TBCE: variants seen among roughly 807,000 people sequenced by gnomAD.
TBCE encodes tubulin-specific chaperone E.
Under a neutral mutation model 77.0 loss-of-function variants are expected in TBCE, and 53 were observed. The observed-to-expected ratio is 0.69, with a 90% confidence interval of 0.55 to 0.87. The LOEUF is 0.87. Ranked by LOEUF, TBCE falls within the 40% of genes least tolerant of loss-of-function variation. The pLI is 0.00. For synonymous variants in TBCE, 235 were observed against 241.3 expected, an observed-to-expected ratio of 0.97 and a Z score of 0.24; for missense variants, 624 against 622.4, an observed-to-expected ratio of 1.00 and a Z score of -0.03.
chr1:235,386,979 T>G (rs1001802807), intron 2 of TBCE, among the ~76,000 whole-genome samples: 34 of 152,298 alleles, frequency 2.2e-4, no homozygotes, highest in Admixed American at 7.2e-4. Flanking sequence ...GGGTTTTTGG[T>G]GTGGATGTCC....
chr1:235,389,983 G>A (rs6692419), intron 2 of TBCE, among the ~76,000 whole-genome samples: 19,582 of 151,758 alleles, frequency 0.13, 1,493 homozygotes, highest in African/African-American at 0.2. Context: ...AAAATTAGCT[G>A]GGTTTTGTGG....
Position 235,428,303 on chromosome 1 carries a change from G to A in TBCE, c.560+1064G>A, listed in dbSNP as rs1281545134. On this transcript the variant is annotated intron_variant, in intron 6 of 16. Coordinates refer to ENST00000642610, the MANE Select transcript of TBCE (RefSeq NM_003193.5). ...TGTGCCACTGCACTCCAGCCTGGGC[G>A]ACAGAGCGAGACTCCATCTCAGAAA... Among the ~76,000 whole-genome samples the A allele has an allele frequency of 2.0e-5, 3 of 152,140 alleles. No homozygotes were observed. The East Asian group carries it at 5.8e-4, about 29-fold the overall frequency.
rs1213422300 is a variant in TBCE at position 235,438,757 on chromosome 1, A to C, written c.1117-12A>C. On this transcript the variant is annotated splice_polypyrimidine_tract_variant and intron_variant, in intron 12 of 16. Transcript: ENST00000642610. ...TTTGTAATAGGCTTGTTTTTATGTC[A>C]CATGAACATAGATTCTCCCCGAGGA... 1 of 1,614,192 alleles carries C rather than the reference A, an allele frequency of 6.2e-7. No individual in the cohort carries two copies. The highest frequency in any genetic ancestry group is 8.5e-7 in the Non-Finnish European group (1 of 1,180,028).
Position 235,370,534 on chromosome 1 carries a change from A to G in TBCE, c.-32+3030A>G, listed in dbSNP as rs190890641. Among the ~76,000 whole-genome samples, 840 of 147,286 alleles carry G rather than the reference A, an allele frequency of 5.7e-3. 10 individuals are homozygous for G. The highest frequency in any genetic ancestry group is 0.019 in the African/African-American group (755 of 39,666). On this transcript the variant is annotated intron_variant, in intron 1 of 16. Transcript: ENST00000642610. Reference sequence around the variant, plus strand: ...CCAAAGTGCTGGGATTACAGGCGTGAGCCACTGCACCCGGCATTTTTTTTT... The same window carrying G: ...CCAAAGTGCTGGGATTACAGGCGTGGGCCACTGCACCCGGCATTTTTTTTT...
At chr1:235,398,765 C>T (rs1199447021) in intron 2 of TBCE, among the ~76,000 whole-genome samples, 1 of 131,300 alleles carries the variant, frequency 7.6e-6, no homozygotes, top group Non-Finnish European at 1.6e-5. Flanking sequence ...ACTGTAGTCC[C>T]AGCTACTCGG....
At position 235,436,074 on chromosome 1, in the gene TBCE, C is replaced by T. The variant is rs535337509; in HGVS notation, c.833+234C>T. On this transcript the variant is annotated intron_variant, in intron 9 of 16. Transcript: ENST00000642610. ...ATAATTTGAAGAATGAATAATTTGACCCTGGTGATAATGCGGAAAGTCTTC... is the reference window on the plus strand; with the variant it reads ...ATAATTTGAAGAATGAATAATTTGATCCTGGTGATAATGCGGAAAGTCTTC... 7 of 605,048 alleles carry T rather than the reference C, an allele frequency of 1.2e-5. No individual in the cohort carries two copies. The East Asian group carries it at 1.9e-4, about 17-fold the overall frequency. The allele number at this position is 605,048 out of a possible 1,614,324, so 37.5% of individuals were successfully genotyped here. A position where few individuals can be genotyped will look rare whatever the true frequency, so the allele number is the denominator to read the frequency against.
chr1:235,414,908 G>A (rs1391595823), intron 4 of TBCE: 8 of 374,014 alleles, frequency 2.1e-5, no homozygotes, highest in East Asian at 6.2e-5. Flanking sequence ...CAAGGCTGAC[G>A]TTTGGGTTCT....
At chr1:235,426,989 T>C in intron 5 of TBCE, 151 bp from the exon 6 acceptor site, 2 of 647,780 alleles carry the variant, frequency 3.1e-6, no homozygotes, top group Admixed American at 2.6e-5. Flanking sequence ...TTGGATAACT[T>C]AAAAATATTA....
intron 1 of TBCE, among the ~76,000 whole-genome samples, chr1:235,379,041 G>A (rs563877898): frequency 6.6e-6 from 1 of 152,194 alleles, no homozygotes; most frequent in East Asian, 1.9e-4. Flanking sequence ...TGGATTCCAA[G>A]GCATCAGGTA....
At chr1:235,400,979 C>T (rs1031208122) in intron 2 of TBCE, among the ~76,000 whole-genome samples, 9 of 151,204 alleles carry the variant, frequency 6.0e-5, no homozygotes, top group African/African-American at 2.2e-4. Context: ...GCTGGGACTA[C>T]AGGCGTAAGC....
chr1:235,447,558 CTTGTAGATCA>C (rs1682460606), intron 15 of TBCE, among the ~76,000 whole-genome samples: 2 of 152,082 alleles, frequency 1.3e-5, no homozygotes, highest in Admixed American at 1.3e-4. Flanking sequence ...TGGAAGGGAC[CTTGTAGATCA>C]TTTAGTTGGC....
At chr1:235,383,297 G>A (rs1206323981) in intron 2 of TBCE, among the ~76,000 whole-genome samples, 42 of 152,128 alleles carry the variant, frequency 2.8e-4, no homozygotes, top group East Asian at 5.8e-4. Flanking sequence ...ATGGCGATGC[G>A]GGCTCTTTTT....
chr1:235,435,433 G>C (rs1220535894), intron 8 of TBCE, among the ~76,000 whole-genome samples: 4 of 150,836 alleles, frequency 2.7e-5, no homozygotes, highest in Non-Finnish European at 5.9e-5. Context: ...TTTTTATTTT[G>C]AGATAATCAT....
chr1:235,403,420 G>C (rs989883538), intron 3 of TBCE, among the ~76,000 whole-genome samples: 1 of 152,076 alleles, frequency 6.6e-6, no homozygotes, highest in Non-Finnish European at 1.5e-5. Context: ...AGGTTGGCCA[G>C]ACTGTTCTCG....
At chr1:235,370,309 A>C (rs1676829955) in intron 1 of TBCE, among the ~76,000 whole-genome samples, 1 of 143,632 alleles carries the variant, frequency 7.0e-6, no homozygotes, top group Non-Finnish European at 1.5e-5. Flanking sequence ...GCTGGAGTGC[A>C]GTGGTACGTT....
rs776249919 is a variant in TBCE at position 235,380,090 on chromosome 1, T to C, written c.41T>C (p.Val14Ala). The C allele has an allele frequency of 3.7e-6, 6 of 1,613,518 alleles. No individual in the cohort carries two copies. The East Asian group carries it at 1.1e-4, about 30-fold the overall frequency. Residue 14 changes from valine to alanine, a missense_variant, in exon 2 of 17, where the codon GTT becomes GCT. By Grantham distance (64) the Val-to-Ala change is moderately conservative (BLOSUM62 0). Transcript: ENST00000642610. The stretch of plus-strand genomic sequence containing the variant: ...ACAGCGGATGTCATTGGTCGAAGAG[T>C]TGAAGTTAATGGAGAACATGCAACA... ...TLTADVIGRR[V>A]EVNGEHATVR...
intron 3 of TBCE, among the ~76,000 whole-genome samples, chr1:235,408,848 C>A (rs749590097): frequency 6.6e-6 from 1 of 152,126 alleles, no homozygotes; most frequent in Non-Finnish European, 1.5e-5. Flanking sequence ...GAGACCTGGC[C>A]TTTTCCAGTA....
At chr1:235,408,623 G>T (rs1679602149) in intron 3 of TBCE, among the ~76,000 whole-genome samples, 1 of 152,158 alleles carries the variant, frequency 6.6e-6, no homozygotes, top group Non-Finnish European at 1.5e-5. Context: ...AACAAAAAGA[G>T]CAGTCTACAG....
intron 3 of TBCE, 40 bp downstream of exon 3, chr1:235,401,627 G>T: frequency 6.6e-7 from 1 of 1,518,868 alleles, no homozygotes; most frequent in Non-Finnish European, 9.1e-7. Context: ...ATTTAGTCAA[G>T]ATTATATTTA....
Sources: gnomAD v4.1 joint callset for allele counts (sites outside exome capture counted in the v4.1 genomes callset) on GRCh38, gnomAD v4.1.1 for gene constraint, MANE v1.5 for transcripts, NCBI Gene and HGNC (gene_info 2026-07-23, HGNC 2026-07-21) for gene names.